The following LAMA1 variants were observed in gnomAD, a reference collection of about 807,000 sequenced individuals.
LAMA1 encodes laminin subunit alpha 1.
Under a neutral mutation model 348.7 loss-of-function variants are expected in LAMA1, and 219 were observed. The observed-to-expected ratio is 0.63, with a 90% CI of 0.56 to 0.70. The LOEUF (loss-of-function observed/expected upper bound fraction) is 0.70. LAMA1 is among the 30% of genes least tolerant of loss of function. The probability of loss-of-function intolerance (pLI) is 0.00; values close to 1 mark genes in which losing one functional copy is unlikely to be tolerated. For synonymous variants in LAMA1, 1,487 were observed against 1,491.0 expected (o/e 1.00, Z 0.06); for missense variants, 3,744 against 3,888.0 (o/e 0.96, Z 0.99).
chr18:7,008,107 A>C (rs1313788259), intron 28 of LAMA1, among the ~76,000 whole-genome samples: 1 of 151,988 alleles, frequency 6.6e-6, no homozygotes, highest in African/African-American at 2.4e-5. Context: ...ATATCATATA[A>C]GAGGGCCATA....
chr18:7,042,488 C>T, intron 8 of LAMA1: 1 of 468,364 alleles, frequency 2.1e-6, no homozygotes, highest in Non-Finnish European at 3.9e-6. Flanking sequence ...TTTCTATTAT[C>T]CCTGCTCTCC....
intron 13 of LAMA1, among the ~76,000 whole-genome samples, chr18:7,035,376 C>CA (rs1321898142): frequency 2.6e-5 from 4 of 151,928 alleles, no homozygotes; most frequent in Admixed American, 6.6e-5. Context: ...GAAGAGACTT[C>CA]AAAAAGAAGA....
At chr18:6,957,152 G>A (rs754950183) in intron 55 of LAMA1, 3 of 312,572 alleles carry the variant, frequency 9.6e-6, no homozygotes, top group Admixed American at 8.7e-5. Flanking sequence ...TCTTGTTTAC[G>A]TGCTTCCCCT....
intron 25 of LAMA1, among the ~76,000 whole-genome samples, chr18:7,010,948 A>G (rs1352322444): frequency 6.6e-6 from 1 of 152,204 alleles, no homozygotes; most frequent in Non-Finnish European, 1.5e-5. Context: ...ATATACGACC[A>G]TGGTCTCATG....
At chr18:6,943,863 A>T (rs1357767050) in intron 61 of LAMA1, among the ~76,000 whole-genome samples, 1 of 151,756 alleles carries the variant, frequency 6.6e-6, no homozygotes, top group African/African-American at 2.4e-5. Flanking sequence ...AAAAAAAAAA[A>T]AAGATTCAGA....
intron 57 of LAMA1, chr18:6,954,751 G>GAT: frequency 5.8e-6 from 1 of 173,148 alleles, no homozygotes; most frequent in Admixed American, 5.4e-5. Context: ...TGACAGGGTG[G>GAT]CACAGCCAAT....
chr18:6,992,923 C>G (rs574105190), intron 35 of LAMA1, among the ~76,000 whole-genome samples: 1 of 152,336 alleles, frequency 6.6e-6, no homozygotes, highest in East Asian at 1.9e-4. Flanking sequence ...GATTACTGGT[C>G]TATTTCAAAG....
intron 26 of LAMA1, among the ~76,000 whole-genome samples, chr18:7,009,854 T>TGG (rs1180570274): frequency 6.6e-6 from 1 of 152,202 alleles, no homozygotes; most frequent in Non-Finnish European, 1.5e-5. Context: ...TCGCACAAGC[T>TGG]GGAGTACAGT....
chr18:6,943,802 C>A (rs919500837), intron 61 of LAMA1, among the ~76,000 whole-genome samples: 10 of 145,680 alleles, frequency 6.9e-5, no homozygotes, highest in Non-Finnish European at 1.3e-4. Context: ...AAGATCGTAC[C>A]ATTGCACTCC....
intron 1 of LAMA1, among the ~76,000 whole-genome samples, chr18:7,113,083 G>A (rs1000078969): frequency 1.3e-5 from 2 of 152,196 alleles, no homozygotes; most frequent in African/African-American, 4.8e-5. Flanking sequence ...TGACAAGGCC[G>A]AGAGAGAAGG....
At chr18:6,980,975 C>T (rs1048163017) in intron 41 of LAMA1, among the ~76,000 whole-genome samples, 21 of 151,946 alleles carry the variant, frequency 1.4e-4, no homozygotes, top group Admixed American at 1.0e-3. Context: ...TGGTGGTGGG[C>T]GCCTGTAGTC....
intron 13 of LAMA1, 27 bp downstream of exon 13, chr18:7,035,960 T>C (rs1354487756): frequency 5.8e-6 from 9 of 1,564,054 alleles, no homozygotes; most frequent in African/African-American, 1.4e-5. Flanking sequence ...CTAAGCTCTA[T>C]AGCAGAATCA....
chr18:7,068,797 GAA>G (rs11300832), intron 3 of LAMA1, among the ~76,000 whole-genome samples: 1,418 of 133,842 alleles, frequency 0.011, 13 homozygotes, highest in African/African-American at 0.034. Flanking sequence ...ACATAAAAAA[GAA>G]AAAAAAAAAG....
At chr18:7,008,724 G>T in intron 27 of LAMA1, 116 bp from the exon 28 acceptor site, 1 of 1,204,194 alleles carries the variant, frequency 8.3e-7, no homozygotes, top group Non-Finnish European at 1.2e-6. Context: ...TCCCTGTTTG[G>T]AGTAGTTCCT....
At chr18:6,984,603 T>C (rs1397165671) in intron 39 of LAMA1, among the ~76,000 whole-genome samples, 4 of 152,210 alleles carry the variant, frequency 2.6e-5, no homozygotes, top group Non-Finnish European at 5.9e-5. Flanking sequence ...GTGATTCCAA[T>C]GTGCAGACAA....
At chr18:7,101,898 C>T (rs1204324188) in intron 1 of LAMA1, among the ~76,000 whole-genome samples, 5 of 148,634 alleles carry the variant, frequency 3.4e-5, no homozygotes, top group African/African-American at 1.2e-4. Context: ...AGGCTGGTCT[C>T]GAACTCCTGG....
At chr18:7,021,798 ATATAT>A (rs72044110) in intron 19 of LAMA1, among the ~76,000 whole-genome samples, 34,258 of 133,478 alleles carry the variant, frequency 0.26, 4,814 homozygotes, top group Middle Eastern at 0.34. Flanking sequence ...AAATATAATA[ATATAT>A]TATATTATAT....
chr18:6,967,793 AGCC>A (rs2057640297), intron 48 of LAMA1, among the ~76,000 whole-genome samples: 1 of 152,136 alleles, frequency 6.6e-6, no homozygotes, highest in Non-Finnish European at 1.5e-5. Context: ...CCCTCTCCAG[AGCC>A]CGTGAGCCCT....
At chr18:6,952,287 C>T (rs983951026) in intron 57 of LAMA1, among the ~76,000 whole-genome samples, 4 of 152,184 alleles carry the variant, frequency 2.6e-5, no homozygotes, top group African/African-American at 9.6e-5. Flanking sequence ...GTGCAGGGGG[C>T]TCCGCACCAT....
Sources: allele counts gnomAD v4.1 joint callset (sites outside exome capture counted in the v4.1 genomes callset), GRCh38; gene constraint gnomAD v4.1.1; transcripts MANE v1.5; gene names NCBI Gene and HGNC (gene_info 2026-07-23, HGNC 2026-07-21).